Variants in TENM1 observed in about 807,000 individuals in gnomAD.
TENM1 encodes teneurin-1.
In TENM1, 35 loss-of-function variants were observed where a neutral mutation model predicts 174.8. The observed-to-expected ratio is 0.20, with a 90% confidence interval of 0.15 to 0.27. TENM1 has a LOEUF of 0.27. Among genes scored for constraint, TENM1 ranks in the 10% least tolerant of loss-of-function variants. The pLI, the probability that TENM1 is intolerant of heterozygous loss-of-function variation, is 1.00. For missense variants in TENM1, 1,633 were observed against 2,130.1 expected (o/e 0.77, Z 4.59); for synonymous variants, 781 against 798.7 (o/e 0.98, Z 0.37).
chrX:124,437,985 A>T (rs2060861816), intron 23 of TENM1, among the ~76,000 whole-genome samples: 1 of 112,317 alleles, frequency 8.9e-6, no homozygotes, highest in African/African-American at 3.2e-5. Flanking sequence ...AGGGGTTGGC[A>T]CTGATTCGTG....
the TENM1 span, among the ~76,000 whole-genome samples, chrX:125,200,948 A>G: frequency 1.3e-4 from 14 of 111,754 alleles, no homozygotes; most frequent in Admixed American, 2.9e-4. Context: ...TGGACTCCAA[A>G]TGTCTATCTC....
chrX:124,823,842 T>C (rs2056095598), intron 3 of TENM1, among the ~76,000 whole-genome samples: 2 of 111,701 alleles, frequency 1.8e-5, no homozygotes, highest in South Asian at 3.7e-4. Flanking sequence ...ATCATAATCA[T>C]AACAATTGAG....
At chrX:124,559,673 G>GA (rs919601527) in intron 14 of TENM1, among the ~76,000 whole-genome samples, 17 of 107,682 alleles carry the variant, frequency 1.6e-4, no homozygotes, top group East Asian at 2.9e-4. Context: ...GTCTCAAAAA[G>GA]AAAAAAAAAT....
chrX:125,112,458 A>G, the TENM1 span, among the ~76,000 whole-genome samples: 1 of 111,488 alleles, frequency 9.0e-6, no homozygotes, highest in African/African-American at 3.2e-5. Flanking sequence ...GCAATAGTCA[A>G]ACATAAGGAA....
chrX:124,386,882 C>T (rs1290159512), intron 28 of TENM1, among the ~76,000 whole-genome samples: 1 of 108,947 alleles, frequency 9.2e-6, no homozygotes, highest in Non-Finnish European at 1.9e-5. Context: ...ATCTGGCACT[C>T]TTGAAGGGTT....
chrX:124,522,565 A>T (rs1266296029), intron 17 of TENM1, among the ~76,000 whole-genome samples: 4 of 70,010 alleles, frequency 5.7e-5, no homozygotes, highest in African/African-American at 1.1e-4. Context: ...AGCTTTTTTA[A>T]AAAAAAAAAC....
At chrX:124,523,260 T>C in intron 17 of TENM1, 104 bp downstream of exon 20, 2 of 885,542 alleles carry the variant, frequency 2.3e-6, no homozygotes, top group Non-Finnish European at 3.2e-6. Flanking sequence ...GGGCAGCACA[T>C]TATAAGGATG....
the TENM1 span, among the ~76,000 whole-genome samples, chrX:125,027,595 A>ATTTCTT: frequency 2.9e-5 from 3 of 103,880 alleles, no homozygotes; most frequent in Admixed American, 1.0e-4. Flanking sequence ...ACTGACAAAG[A>ATTTCTT]TTTCTTTTTC....
intron 22 of TENM1, among the ~76,000 whole-genome samples, chrX:124,454,405 GT>G (rs1415467267): frequency 2.0e-4 from 15 of 73,180 alleles, no homozygotes; most frequent in East Asian, 1.7e-3. Flanking sequence ...ATATCTAGGT[GT>G]TTTTTTTTTT....
chrX:124,784,617 C>A (rs1005090003), intron 3 of TENM1, among the ~76,000 whole-genome samples: 1 of 111,250 alleles, frequency 9.0e-6, no homozygotes, highest in African/African-American at 3.3e-5. Context: ...GCAGCTGGCC[C>A]CTGATCCAAG....
chrX:124,922,238 C>T (rs1438090109), intron 1 of TENM1, among the ~76,000 whole-genome samples: 1 of 111,492 alleles, frequency 9.0e-6, no homozygotes. Flanking sequence ...TGCTATTCCA[C>T]TGTCTTCTAG....
the TENM1 span, among the ~76,000 whole-genome samples, chrX:125,186,139 A>C: frequency 9.0e-6 from 1 of 111,311 alleles, no homozygotes; most frequent in Admixed American, 9.6e-5. Flanking sequence ...AATTTCTTAC[A>C]TTAAAATTGT....
intron 3 of TENM1, among the ~76,000 whole-genome samples, chrX:124,764,880 A>G (rs964489199): frequency 6.3e-5 from 7 of 110,955 alleles, no homozygotes; most frequent in Admixed American, 5.8e-4. Flanking sequence ...CAACAGACCC[A>G]CTGGTGCTCT....
chrX:125,090,491 C>CAA, the TENM1 span, among the ~76,000 whole-genome samples: 1 of 81,071 alleles, frequency 1.2e-5, no homozygotes, highest in African/African-American at 4.3e-5. Context: ...ACAAAATATA[C>CAA]AAAAAAAAAA....
At chrX:124,412,633 T>C (rs1035869118) in intron 25 of TENM1, among the ~76,000 whole-genome samples, 1 of 112,713 alleles carries the variant, frequency 8.9e-6, no homozygotes, top group Non-Finnish European at 1.9e-5. Flanking sequence ...AATATGGGAT[T>C]CCCCTTTCCT....
At chrX:124,587,625 A>G (rs2049573236) in intron 11 of TENM1, among the ~76,000 whole-genome samples, 1 of 110,991 alleles carries the variant, frequency 9.0e-6, no homozygotes, top group South Asian at 3.8e-4. Flanking sequence ...GGACATAGGC[A>G]TGGGCAAGGA....
At chrX:125,086,182 T>A in the TENM1 span, among the ~76,000 whole-genome samples, 1 of 110,873 alleles carries the variant, frequency 9.0e-6, no homozygotes, top group African/African-American at 3.3e-5. Flanking sequence ...GTTATTCACC[T>A]CTCCATTCTT....
rs199890426 is a variant in TENM1 at position 124,384,861 on chromosome X, G to A, written c.6077-7C>T. The A allele has an allele frequency of 2.0e-3, 2,367 of 1,184,845 alleles. 3 individuals carry two copies. Among genetic ancestry groups the A allele is most frequent in the Non-Finnish European group, 2.6e-3 (2,256 of 882,245 alleles). On this transcript the variant is annotated splice_region_variant and splice_polypyrimidine_tract_variant and intron_variant, in intron 29 of 31. Transcript: ENST00000422452. The stretch of plus-strand genomic sequence containing the variant: ...TGGCGTCCAATAAGAGGTCCTGCAG[G>A]AACCAAAACAAAAACAGTAAGAAGC...
Position 124,584,645 on chromosome X carries a change from A to T in TENM1, c.2078-19085T>A, listed in dbSNP as rs369378473. On this transcript the variant is annotated intron_variant, in intron 11 of 31. Coordinates refer to ENST00000422452, the Ensembl canonical transcript of TENM1. ...GCATCAACTAAAGAGCAAAATAACC[A>T]GCTAACATCATAATGACAGGATCAA... 4.1e-4 allele frequency among the ~76,000 whole-genome samples: 46 copies of T among 111,320 alleles called. No individual in the cohort carries two copies. In the South Asian group the frequency reaches 0.016, roughly 40 times the overall value.
Sources: allele counts gnomAD v4.1 joint callset (sites outside exome capture counted in the v4.1 genomes callset), GRCh38; gene constraint gnomAD v4.1.1; transcripts MANE v1.5; gene names NCBI Gene and HGNC (gene_info 2026-07-23, HGNC 2026-07-21).